Variants in CMTM8 observed in about 807,000 individuals in gnomAD.
CMTM8 encodes CKLF-like MARVEL transmembrane domain-containing protein 8.
A neutral mutation model predicts 18.6 loss-of-function variants in CMTM8; 12 were observed. That is an observed-to-expected ratio of 0.65 (90% confidence interval 0.41 to 1.05). The LOEUF (loss-of-function observed/expected upper bound fraction) is 1.05. Among genes scored for constraint, CMTM8 ranks in the 50% least tolerant of loss-of-function variants. CMTM8 has a pLI of 0.00. For missense variants in CMTM8, 217 were observed against 227.2 expected (o/e 0.95, Z 0.29); for synonymous variants, 87 against 90.6 (o/e 0.96, Z 0.23).
At chr3:32,319,074 A>ATATTTATTTTTTTTT in intron 1 of CMTM8, among the ~76,000 whole-genome samples, 1 of 31,530 alleles carries the variant, frequency 3.2e-5, no homozygotes. Context: ...ATATATATAT[A>ATATTTATTTTTTTTT]TTTTTTTTTT....
chr3:32,302,593 T>G (rs1219053495), intron 1 of CMTM8, among the ~76,000 whole-genome samples: 2 of 152,162 alleles, frequency 1.3e-5, no homozygotes, highest in Non-Finnish European at 2.9e-5. Context: ...AGAGAAGGAA[T>G]CAGAGGCCCT....
Position 32,251,745 on chromosome 3 carries a change from A to G in CMTM8, c.147+12626A>G, listed in dbSNP as rs191923616. On this transcript the variant is annotated intron_variant, in intron 1 of 3. Transcript: ENST00000307526. ...GCTAAACAGGGCTTCCCAAGCCACAAGGTTACACAAATATTTGAAGAAAAT... is the reference window on the plus strand; with the variant it reads ...GCTAAACAGGGCTTCCCAAGCCACAGGGTTACACAAATATTTGAAGAAAAT... 5.8e-3 allele frequency among the ~76,000 whole-genome samples: 879 copies of G among 152,188 alleles called. 3 individuals are homozygous for G. Among genetic ancestry groups the G allele is most frequent in the Non-Finnish European group, 7.6e-3 (519 of 68,008 alleles).
chr3:32,365,436 T>C (rs1413337493), intron 2 of CMTM8, among the ~76,000 whole-genome samples: 2 of 140,384 alleles, frequency 1.4e-5, no homozygotes. Context: ...TGTGTGTTTT[T>C]GGTTGTTCTT....
rs11391716 is a variant in CMTM8, at chr3:32,274,299, CA to C, written c.147+35195del. Among the ~76,000 whole-genome samples the C allele has an allele frequency of 2.8e-3, 376 of 134,766 alleles. 1 individual carries two copies. Among genetic ancestry groups the C allele is most frequent in the Middle Eastern group, 7.4e-3 (2 of 270 alleles). 88.4% of individuals were successfully genotyped at this position (134,766 alleles called of 152,430 possible). On this transcript the variant is annotated intron_variant, in intron 1 of 3. Coordinates refer to ENST00000307526, the MANE Select transcript of CMTM8 (RefSeq NM_178868.5). Reference sequence around the variant, plus strand: ...CACTCCAGCCTGGGTGACCCTGTCTCAAAAAAAAAAAAAAATTTCATGTTTT... The same window carrying C: ...CACTCCAGCCTGGGTGACCCTGTCTCAAAAAAAAAAAAAATTTCATGTTTT...
intron 1 of CMTM8, among the ~76,000 whole-genome samples, chr3:32,287,143 T>C (rs1441519360): frequency 6.6e-6 from 1 of 152,260 alleles, no homozygotes; most frequent in Non-Finnish European, 1.5e-5. Flanking sequence ...CATTACAAAG[T>C]TGCTTTGAGG....
At chr3:32,282,044 C>A (rs922019091) in intron 1 of CMTM8, among the ~76,000 whole-genome samples, 6 of 152,148 alleles carry the variant, frequency 3.9e-5, no homozygotes, top group African/African-American at 1.4e-4. Context: ...CTCTATAGGT[C>A]CTCATTTCTA....
At chr3:32,281,520 A>G (rs1702610616) in intron 1 of CMTM8, among the ~76,000 whole-genome samples, 1 of 152,214 alleles carries the variant, frequency 6.6e-6, no homozygotes, top group Admixed American at 6.5e-5. Context: ...TGCTGTGATG[A>G]ATGCCATCTT....
chr3:32,349,449 G>T (rs114049016), intron 1 of CMTM8, among the ~76,000 whole-genome samples: 1 of 151,966 alleles, frequency 6.6e-6, no homozygotes, highest in Non-Finnish European at 1.5e-5. Context: ...GTCATTTAAG[G>T]CCTTTGTTTC....
chr3:32,359,175 A>G (rs1333960515), intron 2 of CMTM8, among the ~76,000 whole-genome samples: 2 of 152,224 alleles, frequency 1.3e-5, no homozygotes, highest in Non-Finnish European at 2.9e-5. Flanking sequence ...AAAGGACCAG[A>G]TAGTAAGTAC....
At chr3:32,369,829 T>C (rs1695614037) in intron 3 of CMTM8, 55 bp from the exon 4 acceptor site, 8 of 1,161,730 alleles carry the variant, frequency 6.9e-6, no homozygotes, top group Non-Finnish European at 8.9e-6. Context: ...ATGATAACTT[T>C]TGCTAATTAG....
intron 1 of CMTM8, among the ~76,000 whole-genome samples, chr3:32,283,560 C>T (rs985598903): frequency 2.0e-5 from 3 of 152,252 alleles, no homozygotes; most frequent in East Asian, 1.9e-4. Context: ...CCATTGATCC[C>T]GGGACACGTC....
chr3:32,283,034 C>G (rs1187178361), intron 1 of CMTM8, among the ~76,000 whole-genome samples: 1 of 152,156 alleles, frequency 6.6e-6, no homozygotes, highest in Non-Finnish European at 1.5e-5. Flanking sequence ...GATGCTTCCA[C>G]TAGAACATGA....
chr3:32,327,989 C>T (rs1251850965), intron 1 of CMTM8, among the ~76,000 whole-genome samples: 2 of 152,122 alleles, frequency 1.3e-5, no homozygotes, highest in East Asian at 1.9e-4. Flanking sequence ...GGCAGGAGGA[C>T]TGCTTGAGCT....
intron 1 of CMTM8, among the ~76,000 whole-genome samples, chr3:32,327,588 A>G (rs1211815694): frequency 1.3e-5 from 2 of 152,226 alleles, no homozygotes; most frequent in African/African-American, 4.8e-5. Flanking sequence ...GCAAAATACC[A>G]GATTCAGCAT....
chr3:32,308,360 A>G (rs1223019923), intron 1 of CMTM8, among the ~76,000 whole-genome samples: 1 of 152,246 alleles, frequency 6.6e-6, no homozygotes, highest in Admixed American at 6.5e-5. Flanking sequence ...AAAAACAATT[A>G]TGTGAAGTCC....
chr3:32,319,463 A>T (rs1408382776), intron 1 of CMTM8, among the ~76,000 whole-genome samples: 2 of 151,810 alleles, frequency 1.3e-5, no homozygotes, highest in Non-Finnish European at 2.9e-5. Flanking sequence ...CCACAAAATC[A>T]CAATACTATC....
intron 1 of CMTM8, among the ~76,000 whole-genome samples, chr3:32,335,575 T>A (rs1429302715): frequency 6.6e-6 from 1 of 152,192 alleles, no homozygotes; most frequent in Non-Finnish European, 1.5e-5. Context: ...TTACTGACCT[T>A]GGCCATTGGA....
chr3:32,285,762 A>T (rs1702670870), intron 1 of CMTM8, among the ~76,000 whole-genome samples: 1 of 152,098 alleles, frequency 6.6e-6, no homozygotes. Flanking sequence ...ACCCCAGCTG[A>T]GAGGTGACTT....
Position 32,320,643 on chromosome 3 carries a change from A to T in CMTM8, c.148-36730A>T, listed in dbSNP as rs77562496. Among the ~76,000 whole-genome samples the T allele has an allele frequency of 1.6e-3, 239 of 152,358 alleles. 4 individuals carry two copies. The East Asian group carries it at 0.036, about 23-fold the overall frequency. ...TGAATTATCTCTCAATAAAGCTGTTATGTAACAAATAGGATTCATTTACAC... is the reference window on the plus strand; with the variant it reads ...TGAATTATCTCTCAATAAAGCTGTTTTGTAACAAATAGGATTCATTTACAC... On this transcript the variant is annotated intron_variant, in intron 1 of 3. Transcript: ENST00000307526.
Sources: gnomAD v4.1 joint callset for allele counts (sites outside exome capture counted in the v4.1 genomes callset) on GRCh38, gnomAD v4.1.1 for gene constraint, MANE v1.5 for transcripts, NCBI Gene and HGNC (gene_info 2026-07-23, HGNC 2026-07-21) for gene names.